The following HCN1 variants were observed in gnomAD, a reference collection of about 807,000 sequenced individuals.
HCN1 encodes potassium/sodium hyperpolarization-activated cyclic nucleotide-gated channel 1.
Under a neutral mutation model 78.9 loss-of-function variants are expected in HCN1, and 13 were observed. The ratio of observed to expected loss-of-function variants is 0.16; its 90% CI spans 0.11 to 0.26. The LOEUF (loss-of-function observed/expected upper bound fraction) is 0.26, where lower values mean the gene tolerates loss of function less well. Ranked by LOEUF, HCN1 falls within the 10% of genes least tolerant of loss-of-function variation. The pLI is 1.00. For synonymous variants in HCN1, 552 were observed against 455.5 expected, an observed-to-expected ratio of 1.21 and a Z score of -2.70; for missense variants, 810 against 1,154.3, an observed-to-expected ratio of 0.70 and a Z score of 4.32.
intron 2 of HCN1, chr5:45,558,768 G>A (rs1417254585): frequency 6.6e-6 from 1 of 151,752 alleles, no homozygotes; most frequent in Non-Finnish European, 1.5e-5. Flanking sequence ...TGTGTCTATA[G>A]TATTTATTTA....
At chr5:45,317,692 T>G (rs1746024696) in intron 5 of HCN1, among the ~76,000 whole-genome samples, 1 of 152,018 alleles carries the variant, frequency 6.6e-6, no homozygotes, top group Non-Finnish European at 1.5e-5. Flanking sequence ...ATCCAGAATC[T>G]ACAAAGAGCT....
At chr5:45,489,758 A>G (rs1412297547) in intron 2 of HCN1, among the ~76,000 whole-genome samples, 2 of 152,148 alleles carry the variant, frequency 1.3e-5, no homozygotes, top group Admixed American at 1.3e-4. Flanking sequence ...TGGTCTATAG[A>G]AGCTTCACAT....
intron 5 of HCN1, among the ~76,000 whole-genome samples, chr5:45,347,069 G>A (rs1746735860): frequency 6.6e-6 from 1 of 152,206 alleles, no homozygotes; most frequent in Middle Eastern, 3.2e-3. Flanking sequence ...CTCCCCAAGT[G>A]GGTCCCTGAC....
intron 6 of HCN1, 118 bp downstream of exon 6, chr5:45,303,481 T>G: frequency 1.0e-6 from 1 of 961,276 alleles, no homozygotes; most frequent in Non-Finnish European, 1.6e-6. Flanking sequence ...TTTATCAGAA[T>G]TCACATACAG....
At chr5:45,277,605 G>A (rs897457114) in intron 6 of HCN1, among the ~76,000 whole-genome samples, 1 of 152,068 alleles carries the variant, frequency 6.6e-6, no homozygotes, top group Admixed American at 6.6e-5. Flanking sequence ...CATTAAACCA[G>A]TTATTCTTTT....
At chr5:45,618,532 G>A (rs1023341781) in intron 2 of HCN1, among the ~76,000 whole-genome samples, 11 of 151,986 alleles carry the variant, frequency 7.2e-5, no homozygotes, top group African/African-American at 1.2e-4. Flanking sequence ...TGAGAATAAC[G>A]GATTTGAAAA....
At chr5:45,334,551 C>T (rs1746414783) in intron 5 of HCN1, among the ~76,000 whole-genome samples, 1 of 151,740 alleles carries the variant, frequency 6.6e-6, no homozygotes, top group Non-Finnish European at 1.5e-5. Context: ...GTGTTCATGT[C>T]TTGTTTCTCC....
At chr5:45,508,857 C>CAGGTTGAAACCTT (rs1579939325) in intron 2 of HCN1, among the ~76,000 whole-genome samples, 1 of 152,018 alleles carries the variant, frequency 6.6e-6, no homozygotes, top group Admixed American at 6.6e-5. Context: ...GTTTGGCTTC[C>CAGGTTGAAACCTT]AGGTTGAAAC....
At chr5:45,378,940 A>T (rs1267200948) in intron 4 of HCN1, among the ~76,000 whole-genome samples, 1 of 152,092 alleles carries the variant, frequency 6.6e-6, no homozygotes, top group Admixed American at 6.6e-5. Context: ...TGTCCCTACA[A>T]AGGACATGAA....
chr5:45,344,123 G>T (rs1268670573), intron 5 of HCN1, among the ~76,000 whole-genome samples: 1 of 152,114 alleles, frequency 6.6e-6, no homozygotes, highest in African/African-American at 2.4e-5. Context: ...TTCTTCACAA[G>T]ATGGCAGCAA....
At chr5:45,676,762 C>T (rs1026447979) in intron 1 of HCN1, among the ~76,000 whole-genome samples, 2 of 151,720 alleles carry the variant, frequency 1.3e-5, no homozygotes, top group African/African-American at 2.4e-5. Context: ...GAAATCTTAA[C>T]CTTGAATGGA....
chr5:45,413,280 AT>A (rs1740059024), intron 3 of HCN1, among the ~76,000 whole-genome samples: 1 of 152,110 alleles, frequency 6.6e-6, no homozygotes, highest in African/African-American at 2.4e-5. Flanking sequence ...TAAGTCAGGA[AT>A]AAAAAAATAA....
intron 3 of HCN1, among the ~76,000 whole-genome samples, chr5:45,440,656 T>C (rs1459469490): frequency 6.6e-6 from 1 of 152,176 alleles, no homozygotes; most frequent in Non-Finnish European, 1.5e-5. Flanking sequence ...ACCTCAAGCA[T>C]TTATTGCTCA....
chr5:45,327,869 G>A (rs1746267437), intron 5 of HCN1, among the ~76,000 whole-genome samples: 1 of 151,534 alleles, frequency 6.6e-6, no homozygotes, highest in Non-Finnish European at 1.5e-5. Context: ...AACTAGACCT[G>A]CCAATACCTC....
intron 5 of HCN1, among the ~76,000 whole-genome samples, chr5:45,312,453 G>A (rs575735786): frequency 3.9e-5 from 6 of 152,230 alleles, no homozygotes; most frequent in South Asian, 2.1e-4. Context: ...CGCAGAAGAC[G>A]GATGATTTCT....
chr5:45,693,824 T>C (rs1228821721), intron 1 of HCN1, among the ~76,000 whole-genome samples: 3 of 151,706 alleles, frequency 2.0e-5, no homozygotes, highest in Middle Eastern at 3.2e-3. Flanking sequence ...AAGCATCATA[T>C]GTAATCATTT....
intron 2 of HCN1, among the ~76,000 whole-genome samples, chr5:45,608,034 T>C (rs1744757732): frequency 6.6e-6 from 1 of 151,924 alleles, no homozygotes; most frequent in African/African-American, 2.4e-5. Flanking sequence ...TGTTGCTGGA[T>C]TTAAAACCAA....
intron 6 of HCN1, among the ~76,000 whole-genome samples, chr5:45,293,741 T>G (rs917706300): frequency 6.6e-6 from 1 of 152,016 alleles, no homozygotes; most frequent in African/African-American, 2.4e-5. Context: ...ATAAATGACT[T>G]TATAAAGACA....
rs10074685 is a variant in HCN1 at position 45,312,720 on chromosome 5, T to A, written c.1378-8881A>T. ...GCAAACGGCACACCAGGAGATTATA[T>A]CCCGCACCTGGCTCAGGGGGTCCCA... On this transcript the variant is annotated intron_variant, in intron 5 of 7. Coordinates refer to ENST00000303230, the MANE Select transcript of HCN1 (RefSeq NM_021072.4). Among the ~76,000 whole-genome samples, 725 of 152,318 alleles carry A rather than the reference T, an allele frequency of 4.8e-3. 7 individuals are homozygous for A. The highest frequency in any genetic ancestry group is 0.016 in the African/African-American group (646 of 41,576).
Sources: allele counts gnomAD v4.1 joint callset (sites outside exome capture counted in the v4.1 genomes callset), GRCh38; gene constraint gnomAD v4.1.1; transcripts MANE v1.5; gene names NCBI Gene and HGNC (gene_info 2026-07-23, HGNC 2026-07-21).